Variants in TSPAN12 observed in about 807,000 individuals in gnomAD.
TSPAN12 encodes the protein tetraspanin 12, also known as tetraspanin-12.
In TSPAN12, 19 loss-of-function variants were observed where a neutral mutation model predicts 39.2. That is an observed-to-expected ratio of 0.49 (90% confidence interval 0.34 to 0.71). TSPAN12 has a LOEUF of 0.71. Among genes scored for constraint, TSPAN12 ranks in the 30% least tolerant of loss-of-function variants. The pLI is 0.01. For synonymous variants in TSPAN12, 119 were observed against 124.8 expected, an observed-to-expected ratio of 0.95 and a Z score of 0.31; for missense variants, 314 against 359.9, an observed-to-expected ratio of 0.87 and a Z score of 1.03.
At chr7:120,826,625 G>A (rs1440998462) in intron 4 of TSPAN12, among the ~76,000 whole-genome samples, 1 of 152,138 alleles carries the variant, frequency 6.6e-6, no homozygotes, top group Non-Finnish European at 1.5e-5. Flanking sequence ...ACACGATTCT[G>A]ACCCTTATCG....
chr7:120,852,109 A>C (rs573562664), intron 2 of TSPAN12, among the ~76,000 whole-genome samples: 38 of 152,112 alleles, frequency 2.5e-4, no homozygotes, highest in South Asian at 1.5e-3. Flanking sequence ...TAAAAAAAAA[A>C]CTCTCAGTTT....
At chr7:120,852,630 T>C (rs1794790658) in intron 2 of TSPAN12, among the ~76,000 whole-genome samples, 1 of 152,250 alleles carries the variant, frequency 6.6e-6, no homozygotes, top group South Asian at 2.1e-4. Context: ...TCTGAGGTTT[T>C]AGAAGCACTG....
chr7:120,790,021 C>T (rs1021559618), intron 7 of TSPAN12, among the ~76,000 whole-genome samples: 4 of 152,092 alleles, frequency 2.6e-5, no homozygotes, highest in African/African-American at 4.8e-5. Context: ...ACCAATCTTT[C>T]GTGCCCTGTG....
chr7:120,824,306 A>T (rs531714896), intron 4 of TSPAN12, among the ~76,000 whole-genome samples: 42 of 151,560 alleles, frequency 2.8e-4, no homozygotes, highest in African/African-American at 8.9e-4. Context: ...GCTGGGCATG[A>T]TGGCACACCC....
chr7:120,814,015 T>C, intron 5 of TSPAN12: 1 of 298,190 alleles, frequency 3.4e-6, no homozygotes, highest in Non-Finnish European at 6.6e-6. Context: ...TTAGTGCCGT[T>C]GTACATTGGA....
intron 2 of TSPAN12, among the ~76,000 whole-genome samples, chr7:120,843,950 T>C (rs1794624321): frequency 6.6e-6 from 1 of 152,128 alleles, no homozygotes; most frequent in Non-Finnish European, 1.5e-5. Context: ...TACCTGAAAC[T>C]GGGTAATTTA....
chr7:120,839,849 G>T (rs867036152), intron 3 of TSPAN12, among the ~76,000 whole-genome samples, 178 bp downstream of exon 3: 3 of 152,150 alleles, frequency 2.0e-5, no homozygotes, highest in African/African-American at 4.8e-5. Context: ...TCCCCTGCTA[G>T]GACCAGAGGC....
Position 120,856,743 on chromosome 7 carries a change from C to T in TSPAN12, c.21G>A (p.Val7=), listed in dbSNP as rs772311127. MAREDS[V]KCLRCLLYAL... ...CGTAGAGCAGGCAGCGCAGACACTT[C>T]ACGGAATCTTCTCTGGCCATTGTGA... Residue 7 remains valine (V), a synonymous_variant, in exon 2 of 8, where the codon GTG becomes GTA. Transcript: ENST00000222747. The T allele has an allele frequency of 6.2e-7, 1 of 1,614,198 alleles. No individual in the cohort carries two copies. The highest frequency in any genetic ancestry group is 1.7e-5 in the Admixed American group (1 of 60,032).
intron 4 of TSPAN12, among the ~76,000 whole-genome samples, chr7:120,836,298 A>T (rs899207848): frequency 7.9e-5 from 12 of 152,310 alleles, no homozygotes; most frequent in African/African-American, 2.9e-4. Context: ...AAGCTGTGTT[A>T]GGTCTAGACA....
At chr7:120,846,029 G>A (rs909630308) in intron 2 of TSPAN12, among the ~76,000 whole-genome samples, 2 of 152,274 alleles carry the variant, frequency 1.3e-5, no homozygotes, top group South Asian at 4.1e-4. Flanking sequence ...AGCATGGCTG[G>A]GGAGGCCTCA....
chr7:120,823,416 CAAAG>C (rs1432433683), intron 4 of TSPAN12, among the ~76,000 whole-genome samples: 1 of 151,786 alleles, frequency 6.6e-6, no homozygotes, highest in Non-Finnish European at 1.5e-5. Flanking sequence ...AACAACAAAA[CAAAG>C]AAATTGATGA....
chr7:120,793,821 C>T (rs1429277403), intron 7 of TSPAN12, among the ~76,000 whole-genome samples: 2 of 152,132 alleles, frequency 1.3e-5, no homozygotes, highest in Non-Finnish European at 2.9e-5. Context: ...TGGAAAACAC[C>T]ATAAGAAACT....
chr7:120,791,733 T>G (rs941454651), intron 7 of TSPAN12, among the ~76,000 whole-genome samples: 2 of 152,212 alleles, frequency 1.3e-5, no homozygotes, highest in African/African-American at 2.4e-5. Context: ...TAAAGTCTAT[T>G]TCAGTTTATC....
chr7:120,854,652 T>G (rs1368084805), intron 2 of TSPAN12, among the ~76,000 whole-genome samples: 3 of 152,202 alleles, frequency 2.0e-5, no homozygotes, highest in Non-Finnish European at 2.9e-5. Flanking sequence ...CTTTTTTACA[T>G]AGCAATTCCA....
At chr7:120,805,912 T>C (rs545096261) in intron 7 of TSPAN12, among the ~76,000 whole-genome samples, 1 of 152,160 alleles carries the variant, frequency 6.6e-6, no homozygotes, top group African/African-American at 2.4e-5. Flanking sequence ...AAATAATCAG[T>C]AAAAATGAAT....
chr7:120,819,344 A>G (rs923509759), intron 4 of TSPAN12, among the ~76,000 whole-genome samples: 1 of 152,116 alleles, frequency 6.6e-6, no homozygotes, highest in East Asian at 1.9e-4. Flanking sequence ...GAAGTCATTA[A>G]TCAGTTTGCA....
chr7:120,796,664 T>C (rs1372386610), intron 7 of TSPAN12, among the ~76,000 whole-genome samples: 3 of 152,224 alleles, frequency 2.0e-5, no homozygotes, highest in African/African-American at 7.2e-5. Context: ...TTAGTATCTC[T>C]GCCCTTAAGT....
At chr7:120,846,176 C>T (rs1794665245) in intron 2 of TSPAN12, among the ~76,000 whole-genome samples, 1 of 152,218 alleles carries the variant, frequency 6.6e-6, no homozygotes, top group Non-Finnish European at 1.5e-5. Context: ...ACCATGAGAA[C>T]AGCAAGGGGG....
intron 6 of TSPAN12, 73 bp from the exon 7 acceptor site, chr7:120,806,765 A>G: frequency 6.3e-7 from 1 of 1,591,660 alleles, no homozygotes; most frequent in Non-Finnish European, 8.6e-7. Flanking sequence ...ATTAAACATC[A>G]GTTTTTTAAA....
Sources: allele counts gnomAD v4.1 joint callset (sites outside exome capture counted in the v4.1 genomes callset), GRCh38; gene constraint gnomAD v4.1.1; transcripts MANE v1.5; gene names NCBI Gene and HGNC (gene_info 2026-07-23, HGNC 2026-07-21).